Variants in DGKG observed in about 807,000 individuals in gnomAD.
DGKG encodes DAG kinase gamma.
Under a neutral mutation model 105.3 loss-of-function variants are expected in DGKG, and 78 were observed. The ratio of observed to expected loss-of-function variants is 0.74; its 90% confidence interval spans 0.62 to 0.89. The LOEUF (loss-of-function observed/expected upper bound fraction) is 0.89. Ranked by LOEUF, DGKG falls within the 40% of genes least tolerant of loss-of-function variation. The pLI, the probability that DGKG is intolerant of heterozygous loss-of-function variation, is 0.00. For synonymous variants in DGKG, 346 were observed against 367.1 expected (o/e 0.94, Z 0.66); for missense variants, 958 against 1,020.1 (o/e 0.94, Z 0.83).
chr3:186,188,827 T>A (rs979525693), intron 21 of DGKG, among the ~76,000 whole-genome samples: 30 of 152,014 alleles, frequency 2.0e-4, no homozygotes, highest in East Asian at 7.8e-4. Context: ...ATATATATAT[T>A]TTTTTGAGAT....
chr3:186,343,407 CA>C (rs1726178562), intron 1 of DGKG, among the ~76,000 whole-genome samples: 1 of 152,162 alleles, frequency 6.6e-6, no homozygotes, highest in Admixed American at 6.5e-5. Flanking sequence ...CCTCCCACCT[CA>C]GCCTCCTGAG....
chr3:186,151,068 C>T (rs1222925078), intron 24 of DGKG, among the ~76,000 whole-genome samples: 1 of 152,224 alleles, frequency 6.6e-6, no homozygotes, highest in East Asian at 1.9e-4. Flanking sequence ...ACTTCCACTT[C>T]TTTGCTGTGA....
intron 21 of DGKG, among the ~76,000 whole-genome samples, chr3:186,205,856 A>T (rs535384313): frequency 6.6e-6 from 1 of 152,348 alleles, no homozygotes; most frequent in East Asian, 1.9e-4. Flanking sequence ...GTATTAAAAA[A>T]ATCCTCAAAC....
intron 9 of DGKG, among the ~76,000 whole-genome samples, chr3:186,278,191 T>C (rs1317050147): frequency 6.6e-6 from 1 of 151,772 alleles, no homozygotes; most frequent in Non-Finnish European, 1.5e-5. Flanking sequence ...CCTCAGCAAG[T>C]CCAAAGTAGA....
At position 186,231,136 on chromosome 3, in the gene DGKG, T is replaced by C. The variant is rs760347294; in HGVS notation, c.1826+11368A>G. Among the ~76,000 whole-genome samples the C allele has an allele frequency of 6.6e-6, 1 of 152,240 alleles. No individual in the cohort carries two copies. The highest frequency in any genetic ancestry group is 1.5e-5 in the Non-Finnish European group (1 of 68,042). The stretch of plus-strand genomic sequence containing the variant: ...AGTCACTATTTCCTGTTGTGAATCC[T>C]TCACACACTTGAGGCCCATTCCCAG... On this transcript the variant is annotated intron_variant, in intron 20 of 24. Transcript: ENST00000265022. This position sits in a 1 kb window ranked among gnomAD's most constrained non-coding sequence, Gnocchi z 4.5.
At chr3:186,251,999 G>GT in intron 18 of DGKG, 80 bp from the exon 19 acceptor site, 4 of 1,391,164 alleles carry the variant, frequency 2.9e-6, no homozygotes, top group Non-Finnish European at 3.9e-6. Context: ...GTCAGGGCAG[G>GT]TAAGCCCAGG....
At chr3:186,161,096 G>A (rs1217370668) in intron 24 of DGKG, 8 of 987,086 alleles carry the variant, frequency 8.1e-6, no homozygotes, top group Admixed American at 6.0e-5. Context: ...TGGGTGCACC[G>A]ACTGGGAGGC....
intron 1 of DGKG, among the ~76,000 whole-genome samples, chr3:186,338,570 G>A (rs1441611351): frequency 6.6e-6 from 1 of 152,138 alleles, no homozygotes; most frequent in African/African-American, 2.4e-5. Flanking sequence ...AGATGTGAAA[G>A]GATGTACATG....
At chr3:186,154,671 AAAAG>A (rs1338471066) in intron 24 of DGKG, among the ~76,000 whole-genome samples, 4 of 151,458 alleles carry the variant, frequency 2.6e-5, no homozygotes, top group African/African-American at 9.7e-5. Flanking sequence ...AAAGAAAAGA[AAAAG>A]AAAAAAAAAA....
In DGKG at chr3:186,275,478, A is replaced by G. The variant is rs78842700; in HGVS notation, c.910+69T>C. 876 of 1,324,558 alleles carry G rather than the reference A, an allele frequency of 6.6e-4. 15 individuals carry two copies. In the East Asian group the frequency reaches 0.019, roughly 29 times the overall value. The allele number at this position is 1,324,558 out of a possible 1,614,324, so 82.1% of individuals were successfully genotyped here. On this transcript the variant is annotated intron_variant, in intron 10 of 24. Transcript: ENST00000265022. Reference sequence around the variant, plus strand: ...CAGAAATACCAACATTTTCTCTGCAATGGATCAACCAACCATGCGCAGAGC... The same window carrying G: ...CAGAAATACCAACATTTTCTCTGCAGTGGATCAACCAACCATGCGCAGAGC...
intron 1 of DGKG, among the ~76,000 whole-genome samples, chr3:186,349,245 G>A (rs1233591227): frequency 6.6e-6 from 1 of 151,934 alleles, no homozygotes; most frequent in Non-Finnish European, 1.5e-5. Context: ...GAAAAATTCT[G>A]TATTTATATG....
At chr3:186,305,520 G>A (rs1166719463) in intron 3 of DGKG, among the ~76,000 whole-genome samples, 2 of 152,170 alleles carry the variant, frequency 1.3e-5, no homozygotes, top group East Asian at 3.9e-4. Flanking sequence ...TCTGAGTAGG[G>A]ATTGGGGGAA....
At position 186,149,697 on chromosome 3, in the gene DGKG, G is replaced by A; in HGVS notation, c.*393C>T. 9.9e-7 allele frequency: 1 copy of A among 1,006,824 alleles called. No homozygotes were observed. Among genetic ancestry groups the A allele is most frequent in the Non-Finnish European group, 1.2e-6 (1 of 842,590 alleles). The allele number at this position is 1,006,824 out of a possible 1,614,324, so 62.4% of individuals were successfully genotyped here. On this transcript the variant is annotated 3_prime_UTR_variant, in exon 25 of 25. Coordinates refer to ENST00000265022, the MANE Select transcript of DGKG (RefSeq NM_001346.3). ...CCACATCTGATCTCACCATAGGCAG[G>A]AAACCTGCAGCCTGCTCCTCGCGAG... is the stretch of plus-strand genomic sequence containing the variant.
intron 5 of DGKG, among the ~76,000 whole-genome samples, chr3:186,292,622 T>C (rs1723360784): frequency 6.6e-6 from 1 of 152,094 alleles, no homozygotes; most frequent in African/African-American, 2.4e-5. Flanking sequence ...GGTGAAACAC[T>C]GTCTCTACTA....
chr3:186,306,369 G>T (rs1210330459), intron 3 of DGKG, among the ~76,000 whole-genome samples: 3 of 152,034 alleles, frequency 2.0e-5, no homozygotes, highest in Admixed American at 1.3e-4. Context: ...ATATGAAGGA[G>T]ACAGAGGTAG....
chr3:186,157,830 G>T (rs998203539), intron 24 of DGKG, among the ~76,000 whole-genome samples: 1 of 152,008 alleles, frequency 6.6e-6, no homozygotes, highest in Non-Finnish European at 1.5e-5. Context: ...AGCCTCCCGA[G>T]GAGCTGGAAT....
intron 5 of DGKG, among the ~76,000 whole-genome samples, chr3:186,290,503 A>G (rs999705242): frequency 9.2e-5 from 14 of 152,228 alleles, no homozygotes; most frequent in Non-Finnish European, 1.5e-4. Context: ...AACAGTGACA[A>G]AACTGGACAA....
rs757617464 is a variant in DGKG, at chr3:186,275,571, G to A, written c.886C>T (p.Arg296Cys). ...NFCHIMLMGV[R>C]KQGLCCTYCK... ...CAAGTGCAGCACAGGCCTTGCTTGC[G>A]GACGCCCATGAGCATGATATGGCAG... Residue 296 changes from arginine (R) to cysteine (C), a missense_variant, in exon 10 of 25, where the codon CGC becomes TGC. Arg to Cys is a radical substitution (Grantham distance 180, BLOSUM62 -3). This residue lies in a region of DGKG where 643 missense variants were observed against 619.5 expected (regional missense o/e 1.04). Coordinates refer to ENST00000265022, the MANE Select transcript of DGKG (RefSeq NM_001346.3). 107 of 1,614,070 alleles carry A rather than the reference G, an allele frequency of 6.6e-5. No homozygotes were observed. The highest frequency in any genetic ancestry group is 2.0e-4 in the South Asian group (18 of 91,086).
chr3:186,281,917 G>A (rs912432456), intron 7 of DGKG, among the ~76,000 whole-genome samples: 1 of 152,214 alleles, frequency 6.6e-6, no homozygotes, highest in Non-Finnish European at 1.5e-5. Context: ...AAGAATCATA[G>A]GGGACGGATT....
Sources: allele counts gnomAD v4.1 joint callset (sites outside exome capture counted in the v4.1 genomes callset), GRCh38; gene constraint gnomAD v4.1.1; regional missense constraint gnomAD v4.1.1; non-coding constraint Gnocchi (gnomAD v3.1); transcripts MANE v1.5; gene names NCBI Gene and HGNC (gene_info 2026-07-23, HGNC 2026-07-21).